Variants in TMCO6 observed in about 807,000 individuals in gnomAD.
The protein encoded by TMCO6 is transmembrane and coiled-coil domains 6.
In TMCO6, 47 loss-of-function variants were observed where a neutral mutation model predicts 61.8. The ratio of observed to expected loss-of-function variants is 0.76; its 90% CI spans 0.60 to 0.97. The LOEUF (loss-of-function observed/expected upper bound fraction) is 0.97, where lower values mean the gene tolerates loss of function less well. Ranked by LOEUF, TMCO6 falls within the 50% of genes least tolerant of loss-of-function variation. TMCO6 has a pLI of 0.00. For synonymous variants in TMCO6, 261 were observed against 254.2 expected (o/e 1.03, Z -0.25); for missense variants, 557 against 601.6 (o/e 0.93, Z 0.78).
chr5:140,613,385 C>CAAAAAAAAA, the TMCO6 span, among the ~76,000 whole-genome samples: 1 of 34,266 alleles, frequency 2.9e-5, no homozygotes, highest in African/African-American at 1.7e-4. Flanking sequence ...GAGACTCTGA[C>CAAAAAAAAA]TAAAAAAAAA....
intron 2 of TMCO6, among the ~76,000 whole-genome samples, chr5:140,640,552 C>T (rs1756959095): frequency 6.6e-6 from 1 of 151,830 alleles, no homozygotes; most frequent in Non-Finnish European, 1.5e-5. Flanking sequence ...ATTACAGGCG[C>T]GCGCCACCAC....
the TMCO6 span, among the ~76,000 whole-genome samples, chr5:140,599,984 A>G: frequency 6.6e-6 from 1 of 152,108 alleles, no homozygotes. Context: ...TCAAAAGTCA[A>G]TTCTAGGGGA....
At chr5:140,607,544 T>C in the TMCO6 span, among the ~76,000 whole-genome samples, 1 of 152,222 alleles carries the variant, frequency 6.6e-6, no homozygotes, top group African/African-American at 2.4e-5. Context: ...TCCAATTCTT[T>C]TGGGTATATA....
At chr5:140,644,534 G>C (rs1581470295) in intron 10 of TMCO6, 39 bp from the exon 11 acceptor site, 1 of 1,295,934 alleles carries the variant, frequency 7.7e-7, no homozygotes, top group East Asian at 2.5e-5. Context: ...TGATCTTTGT[G>C]TTTCATTCTT....
chr5:140,600,575 C>T, the TMCO6 span, among the ~76,000 whole-genome samples: 2 of 151,732 alleles, frequency 1.3e-5, no homozygotes, highest in Admixed American at 1.3e-4. Context: ...AAGTGATTCT[C>T]CTGCCTCAGC....
chr5:140,598,216 T>G, the TMCO6 span, among the ~76,000 whole-genome samples: 1 of 152,110 alleles, frequency 6.6e-6, no homozygotes. Flanking sequence ...ATTTGGTTTT[T>G]TTTTTTTAGA....
the TMCO6 span, among the ~76,000 whole-genome samples, chr5:140,608,051 A>G: frequency 6.6e-6 from 1 of 152,054 alleles, no homozygotes; most frequent in Non-Finnish European, 1.5e-5. Context: ...CGGCCTCTCC[A>G]AGTGCTGGGA....
At chr5:140,643,203 CTTTTT>C (rs908634774) in intron 7 of TMCO6, among the ~76,000 whole-genome samples, 162 bp downstream of exon 7, 3 of 151,332 alleles carry the variant, frequency 2.0e-5, no homozygotes, top group Non-Finnish European at 4.4e-5. Context: ...AGCTGTTTCT[CTTTTT>C]TTTTGAGACA....
the TMCO6 span, among the ~76,000 whole-genome samples, chr5:140,628,773 G>T: frequency 1.2e-4 from 18 of 152,168 alleles, no homozygotes; most frequent in African/African-American, 4.1e-4. Context: ...TCTGAATTGT[G>T]GGCATCACTA....
chr5:140,620,472 CA>C, the TMCO6 span, among the ~76,000 whole-genome samples: 5 of 152,074 alleles, frequency 3.3e-5, no homozygotes, highest in Non-Finnish European at 7.4e-5. Flanking sequence ...TACATTTGTC[CA>C]AACCTAAAGG....
chr5:140,602,354 A>G, the TMCO6 span, among the ~76,000 whole-genome samples: 861 of 152,184 alleles, frequency 5.7e-3, 4 homozygotes, highest in African/African-American at 0.019. Flanking sequence ...AGGCCTCAAC[A>G]CCGCCCTACA....
chr5:140,617,869 C>T, the TMCO6 span, among the ~76,000 whole-genome samples: 47 of 152,120 alleles, frequency 3.1e-4, no homozygotes, highest in South Asian at 1.2e-3. Context: ...TCAATATTGG[C>T]GATATTTGAA....
rs780586227 is a variant in TMCO6, at chr5:140,645,039, G to A, written c.1423G>A (p.Glu475Lys). The A allele has an allele frequency of 2.5e-6, 4 of 1,614,110 alleles. No individual in the cohort carries two copies. Among genetic ancestry groups the A allele is most frequent in the South Asian group, 1.1e-5 (1 of 91,094 alleles). Residue 475 changes from glutamate to lysine, a missense_variant, in exon 12 of 12, where the codon GAA becomes AAA. Glu to Lys is a moderately conservative substitution (Grantham distance 56). Coordinates refer to ENST00000394671, the MANE Select transcript of TMCO6 (RefSeq NM_018502.5). ...GCTGCAAGCCCTGGAAAGGCATCAG[G>A]AAGAGGCCCAGCTCCAGGATCGTGT... Reference protein sequence around the residue: ...SGLQALERHQEEAQLQDRVYA... With the variant: ...SGLQALERHQKEAQLQDRVYA...
upstream of TMCO6, among the ~76,000 whole-genome samples, chr5:140,634,908 G>A (rs979139581): frequency 6.6e-6 from 1 of 152,100 alleles, no homozygotes; most frequent in African/African-American, 2.4e-5. Context: ...TCAGCTTCCC[G>A]AGCGGCTGGG....
chr5:140,641,092 T>C (rs1047589485), intron 2 of TMCO6: 2 of 154,890 alleles, frequency 1.3e-5, no homozygotes, highest in African/African-American at 4.8e-5. Context: ...CACAGCCCGG[T>C]GAAGAAGACA....
chr5:140,608,072 G>A, the TMCO6 span, among the ~76,000 whole-genome samples: 430 of 152,278 alleles, frequency 2.8e-3, 1 homozygote, highest in African/African-American at 9.6e-3. Context: ...TTACATGCGT[G>A]AGCCACTGCG....
Position 140,642,540 on chromosome 5 carries a change from C to T in TMCO6, c.604-46C>T, listed in dbSNP as rs568835693. The T allele has an allele frequency of 6.7e-5, 108 of 1,610,834 alleles. No individual in the cohort carries two copies. The South Asian group carries it at 1.1e-3, about 16-fold the overall frequency. On this transcript the variant is annotated intron_variant, in intron 5 of 11. Coordinates refer to ENST00000394671, the MANE Select transcript of TMCO6 (RefSeq NM_018502.5). ...CAAGGGGCTGAAAGTCTCTGAAGAC[C>T]TGATGACCCAGCTTCCAGTCAGATC...
At chr5:140,602,652 T>C in the TMCO6 span, among the ~76,000 whole-genome samples, 22 of 151,162 alleles carry the variant, frequency 1.5e-4, no homozygotes, top group African/African-American at 4.9e-4. Context: ...TAATCCCAGC[T>C]ACTTGGGAGG....
chr5:140,598,896 A>G, the TMCO6 span, among the ~76,000 whole-genome samples: 33 of 152,288 alleles, frequency 2.2e-4, no homozygotes, highest in East Asian at 5.8e-3. Context: ...AGATCACACC[A>G]CTGCACTCCA....
Sources: gnomAD v4.1 joint callset for allele counts (sites outside exome capture counted in the v4.1 genomes callset) on GRCh38, gnomAD v4.1.1 for gene constraint, MANE v1.5 for transcripts, NCBI Gene and HGNC (gene_info 2026-07-23, HGNC 2026-07-21) for gene names.